Variants in PCDHGA10 observed in about 807,000 individuals in gnomAD.
PCDHGA10 encodes protocadherin gamma-A10.
A neutral mutation model predicts 59.5 loss-of-function variants in PCDHGA10; 42 were observed. That is an observed-to-expected ratio of 0.71 (90% CI 0.55 to 0.91). PCDHGA10 has a LOEUF of 0.91. PCDHGA10 is among the 40% of genes least tolerant of loss of function. The pLI, the probability that PCDHGA10 is intolerant of heterozygous loss-of-function variation, is 0.00. For missense variants in PCDHGA10, 1,111 were observed against 1,198.2 expected, an observed-to-expected ratio of 0.93 and a Z score of 1.07; for synonymous variants, 511 against 517.2, an observed-to-expected ratio of 0.99 and a Z score of 0.16.
intron 1 of PCDHGA10, chr5:141,478,148 C>A: frequency 6.2e-7 from 1 of 1,614,066 alleles, no homozygotes; most frequent in Non-Finnish European, 8.5e-7. Flanking sequence ...AGCCGAGTTC[C>A]CCTCTGGCTC....
Position 141,469,939 on chromosome 5 carries a change from T to G in PCDHGA10, c.2437-24868T>G, listed in dbSNP as rs1376169822. Among the ~76,000 whole-genome samples, 3 of 152,186 alleles carry G rather than the reference T, an allele frequency of 2.0e-5. No individual in the cohort carries two copies. The East Asian group carries it at 5.8e-4, about 29-fold the overall frequency. On this transcript the variant is annotated intron_variant, in intron 1 of 3. Transcript: ENST00000398610. ...CGAGGTCAGGAGTTTGAGACCAGCC[T>G]GGCCAGCATGGTGAAACCCCATCTG...
At chr5:141,433,487 C>T (rs1052153936) in intron 1 of PCDHGA10, among the ~76,000 whole-genome samples, 3 of 152,094 alleles carry the variant, frequency 2.0e-5, no homozygotes, top group African/African-American at 7.2e-5. Context: ...TCCTGCTTCT[C>T]CCTCCCAAAC....
chr5:141,496,284 G>A (rs1052943936), intron 2 of PCDHGA10, among the ~76,000 whole-genome samples: 6 of 152,210 alleles, frequency 3.9e-5, no homozygotes, highest in Admixed American at 1.3e-4. Context: ...CAGTTGGTCT[G>A]AGCAGAGTGG....
chr5:141,461,334 G>T (rs558562450), intron 1 of PCDHGA10, among the ~76,000 whole-genome samples: 75 of 152,166 alleles, frequency 4.9e-4, no homozygotes, highest in African/African-American at 1.7e-3. Flanking sequence ...GGCCATTCTT[G>T]CAGGACCAAG....
intron 1 of PCDHGA10, among the ~76,000 whole-genome samples, chr5:141,439,391 G>A (rs880080): frequency 0.036 from 5,494 of 152,210 alleles, 123 homozygotes; most frequent in South Asian, 0.078. Context: ...TCATCACTTC[G>A]ACTTCATGTG....
rs2096153349 is a variant in PCDHGA10 at position 141,417,731 on chromosome 5, C to G, written c.2436+2120C>G. 2.2e-6 allele frequency: 3 copies of G among 1,378,810 alleles called. No homozygotes were observed. In the East Asian group the frequency reaches 7.6e-5, roughly 35 times the overall value. 85.4% of individuals were successfully genotyped at this position (1,378,810 alleles called of 1,614,324 possible). A position where few individuals can be genotyped will look rare whatever the true frequency, so the allele number is the denominator to read the frequency against. On this transcript the variant is annotated intron_variant, in intron 1 of 3. Coordinates refer to ENST00000398610, the MANE Select transcript of PCDHGA10 (RefSeq NM_018913.3). ...AGGCTCCCGGCTGCGCAGACCTTGC[C>G]CAGCACACCAGATTGCCAGCTCCGA...
chr5:141,428,106 C>T, intron 1 of PCDHGA10: 1 of 1,608,152 alleles, frequency 6.2e-7, no homozygotes. Context: ...CCACGTGCTG[C>T]AGGCCATCGA....
chr5:141,470,872 TTTTTTG>T (rs900302332), intron 1 of PCDHGA10, among the ~76,000 whole-genome samples: 3 of 151,814 alleles, frequency 2.0e-5, no homozygotes, highest in African/African-American at 4.8e-5. Context: ...GTTTGTTTGT[TTTTTTG>T]TTTTTGTTTT....
chr5:141,501,290 T>TACACACAC (rs55762287), intron 2 of PCDHGA10, among the ~76,000 whole-genome samples: 94 of 136,244 alleles, frequency 6.9e-4, no homozygotes, highest in Admixed American at 2.2e-3. Context: ...TATTCCCTTA[T>TACACACAC]ACACACACAC....
At chr5:141,463,401 A>T (rs57406832) in intron 1 of PCDHGA10, among the ~76,000 whole-genome samples, 25,027 of 149,108 alleles carry the variant, frequency 0.17, 2,158 homozygotes, top group South Asian at 0.22. Context: ...GGCAAAAAAA[A>T]TGGAGATCCT....
In PCDHGA10 at chr5:141,422,843, G is replaced by C. The variant is rs778670588; in HGVS notation, c.2436+7232G>C. 1.9e-6 allele frequency: 3 copies of C among 1,614,234 alleles called. No homozygotes were observed. In the East Asian group the frequency reaches 6.7e-5, roughly 36 times the overall value. ...CTGAGAGTGATAGCACGTGACAGCG[G>C]GGACCCGCCCCTCAGCAGCAACGTG... is the stretch of plus-strand genomic sequence containing the variant. On this transcript the variant is annotated intron_variant, in intron 1 of 3. Coordinates refer to ENST00000398610, the MANE Select transcript of PCDHGA10 (RefSeq NM_018913.3).
chr5:141,482,069 G>A (rs892777397), intron 1 of PCDHGA10, among the ~76,000 whole-genome samples: 1 of 138,078 alleles, frequency 7.2e-6, no homozygotes, highest in Non-Finnish European at 1.5e-5. Context: ...TGGGCAACAA[G>A]AACAAAACTC....
chr5:141,431,916 T>C lies in PCDHGA10; in HGVS notation c.2436+16305T>C, dbSNP rs2097428336. 1 of 1,614,056 alleles carries C rather than the reference T, an allele frequency of 6.2e-7. No homozygotes were observed. Among genetic ancestry groups the C allele is most frequent in the Middle Eastern group, 1.6e-4 (1 of 6,062 alleles). ...GAAAACGGACAGGTGATCTGTTTCA[T>C]CCAAGGAAATCTGCCCTTTAAATTA... On this transcript the variant is annotated intron_variant, in intron 1 of 3. Transcript: ENST00000398610. The surrounding 1 kb of genome is among the most constrained non-coding windows in gnomAD (Gnocchi z 4.8).
Position 141,491,670 on chromosome 5 carries a change from C to T in PCDHGA10, c.2437-3137C>T. The T allele has an allele frequency of 2.5e-6, 4 of 1,613,768 alleles. No individual in the cohort carries two copies. Among genetic ancestry groups the T allele is most frequent in the South Asian group, 1.1e-5 (1 of 91,082 alleles). On this transcript the variant is annotated intron_variant, in intron 1 of 3. Coordinates refer to ENST00000398610, the MANE Select transcript of PCDHGA10 (RefSeq NM_018913.3). The surrounding 1 kb of genome is among the most constrained non-coding windows in gnomAD (Gnocchi z 6.9). ...CGCTGGAGCCTGACGCCATCCGGTC[C>T]CGCTCTAATACGCTGCGGGAGCGGA...
chr5:141,501,311 AC>A (rs2099807696), intron 2 of PCDHGA10, among the ~76,000 whole-genome samples: 1 of 151,670 alleles, frequency 6.6e-6, no homozygotes, highest in Non-Finnish European at 1.5e-5. Context: ...ACACACACAC[AC>A]ACACACACAC....
chr5:141,418,123 C>A (rs1049456676), intron 1 of PCDHGA10: 8 of 1,613,914 alleles, frequency 5.0e-6, no homozygotes, highest in Admixed American at 3.3e-5. Flanking sequence ...TTGTGAAGGA[C>A]CGAATAGACC....
intron 1 of PCDHGA10, among the ~76,000 whole-genome samples, chr5:141,473,057 A>G (rs2099313037): frequency 2.6e-5 from 4 of 152,056 alleles, no homozygotes; most frequent in Non-Finnish European, 5.9e-5. Flanking sequence ...AAGTGATACA[A>G]CAAGTTACAG....
chr5:141,465,995 A>C lies in PCDHGA10; in HGVS notation c.2437-28812A>C, dbSNP rs551920109. On this transcript the variant is annotated intron_variant, in intron 1 of 3. Coordinates refer to ENST00000398610, the MANE Select transcript of PCDHGA10 (RefSeq NM_018913.3). ...AAATTAGCCGGGCATGGTGGCAGGC[A>C]CCTGTAGTCCCAGCTACTCGGGAGG... Among the ~76,000 whole-genome samples the C allele has an allele frequency of 1.3e-4, 20 of 151,982 alleles. No homozygotes were observed. In the South Asian group the frequency reaches 4.2e-3, roughly 32 times the overall value.
At chr5:141,417,621 A>G in intron 1 of PCDHGA10, 1 of 662,852 alleles carries the variant, frequency 1.5e-6, no homozygotes, top group Non-Finnish European at 2.4e-6. Context: ...GTGCAGAGCA[A>G]GCGCTGACGC....
Sources: gnomAD v4.1 joint callset for allele counts (sites outside exome capture counted in the v4.1 genomes callset) on GRCh38, gnomAD v4.1.1 for gene constraint, Gnocchi (gnomAD v3.1) non-coding constraint, MANE v1.5 for transcripts, NCBI Gene and HGNC (gene_info 2026-07-23, HGNC 2026-07-21) for gene names.